ASB7: variants seen among roughly 807,000 people sequenced by gnomAD.
The protein encoded by ASB7 is ankyrin repeat and SOCS box protein 7.
A neutral mutation model predicts 32.5 loss-of-function variants in ASB7; 4 were observed. The observed-to-expected ratio is 0.12, with a 90% CI of 0.06 to 0.28. The LOEUF is 0.28. Among genes scored for constraint, ASB7 ranks in the 10% least tolerant of loss-of-function variants. The pLI is 1.00. For missense variants in ASB7, 181 were observed against 407.1 expected (o/e 0.44, Z 4.78); for synonymous variants, 172 against 155.6 (o/e 1.11, Z -0.78).
chr15:100,626,751 A>G (rs977481648), intron 4 of ASB7, among the ~76,000 whole-genome samples: 1 of 152,198 alleles, frequency 6.6e-6, no homozygotes, highest in Non-Finnish European at 1.5e-5. Flanking sequence ...TAAAAAAACT[A>G]TATAGTATAC....
intron 4 of ASB7, among the ~76,000 whole-genome samples, chr15:100,616,087 A>G (rs1268903236): frequency 2.0e-5 from 3 of 152,200 alleles, no homozygotes; most frequent in South Asian, 2.1e-4. Flanking sequence ...ACCGGGCAGG[A>G]TAGTGCCTGT....
chr15:100,632,822 A>C (rs1262487471), intron 5 of ASB7, among the ~76,000 whole-genome samples: 8 of 151,370 alleles, frequency 5.3e-5, no homozygotes, highest in African/African-American at 1.9e-4. Flanking sequence ...GGCCTTTTGG[A>C]AAAATTGCCG....
chr15:100,610,260 C>T (rs374704571), intron 3 of ASB7, among the ~76,000 whole-genome samples: 3 of 151,718 alleles, frequency 2.0e-5, no homozygotes, highest in African/African-American at 4.8e-5. Flanking sequence ...TTTGGGAGGC[C>T]GAGGCTGGTG....
At chr15:100,618,126 A>G (rs1463709793) in intron 4 of ASB7, among the ~76,000 whole-genome samples, 1 of 151,712 alleles carries the variant, frequency 6.6e-6, no homozygotes, top group Non-Finnish European at 1.5e-5. Flanking sequence ...TTATTTATTT[A>G]TTTATTTTGA....
At chr15:100,630,221 C>T in intron 5 of ASB7, 179 bp downstream of exon 5, 2 of 1,304,370 alleles carry the variant, frequency 1.5e-6, no homozygotes, top group Non-Finnish European at 9.9e-7. Flanking sequence ...CACAAGATTT[C>T]ATAAAAATTC....
chr15:100,617,437 C>T (rs964545282), intron 4 of ASB7, among the ~76,000 whole-genome samples: 20 of 152,156 alleles, frequency 1.3e-4, no homozygotes, highest in Non-Finnish European at 2.4e-4. Flanking sequence ...AGGTTTTGGC[C>T]TGGGACCCTC....
In ASB7 at chr15:100,609,785, A is replaced by G. The variant is rs1168532445; in HGVS notation, c.-95A>G. The G allele has an allele frequency of 6.6e-6, 1 of 152,230 alleles. No homozygotes were observed. Among genetic ancestry groups the G allele is most frequent in the Non-Finnish European group, 1.5e-5 (1 of 68,032 alleles). The allele number at this position is 152,230 out of a possible 1,614,324, so 9.4% of individuals were successfully genotyped here. A position where few individuals can be genotyped will look rare whatever the true frequency, so the allele number is the denominator to read the frequency against. On this transcript the variant is annotated 5_prime_UTR_variant, in exon 3 of 6. Transcript: ENST00000332783. ...ACGATGCTGTACGTGCACAATGGTT[A>G]CTAGGCAATCCGTACATCAGGAGAA...
chr15:100,629,178 T>G lies in ASB7; in HGVS notation c.212-259T>G, dbSNP rs1205836560. ...AGACAGGGGATGTGGTGATCTGTAC[T>G]CCGTGTTTTTTGTGTATATCTTTTT... On this transcript the variant is annotated intron_variant, in intron 4 of 5. Transcript: ENST00000332783. This position sits in a 1 kb window ranked among gnomAD's most constrained non-coding sequence, Gnocchi z 6.8. Among the ~76,000 whole-genome samples, 3 of 152,242 alleles carry G rather than the reference T, an allele frequency of 2.0e-5. No homozygotes were observed. The highest frequency in any genetic ancestry group is 2.9e-5 in the Non-Finnish European group (2 of 68,040).
intron 5 of ASB7, among the ~76,000 whole-genome samples, chr15:100,633,615 GGGAAAGAAAGGAAGAAA>G (rs1282787530): frequency 1.3e-5 from 2 of 149,610 alleles, no homozygotes; most frequent in Admixed American, 6.7e-5. Context: ...AAAGGGGAAA[GGGAAAGAAAGGAAGAAA>G]GGAAGGAAAG....
chr15:100,620,754 CT>C (rs1326411835), intron 4 of ASB7, among the ~76,000 whole-genome samples: 2 of 152,164 alleles, frequency 1.3e-5, no homozygotes, highest in Non-Finnish European at 2.9e-5. Flanking sequence ...AATTTTGAGT[CT>C]TCTAAAAACT....
chr15:100,618,622 G>GTGGT (rs113400819), intron 4 of ASB7, among the ~76,000 whole-genome samples: 1 of 150,184 alleles, frequency 6.7e-6, no homozygotes, highest in Non-Finnish European at 1.5e-5. Flanking sequence ...CTGTGTGTGT[G>GTGGT]GTGTGTGTGT....
At position 100,650,875 on chromosome 15, in the gene ASB7, T is replaced by C. The variant is rs780297566; in HGVS notation, c.*2413T>C. 4.6e-5 allele frequency: 7 copies of C among 152,252 alleles called. No individual in the cohort carries two copies. The highest frequency in any genetic ancestry group is 7.3e-5 in the Non-Finnish European group (5 of 68,034). The allele number at this position is 152,252 out of a possible 1,614,324, so 9.4% of individuals were successfully genotyped here. ...ACTAAAATGTCTCCAGGTGGGTTAC[T>C]GGTAGATGATAGTGGTGACACCTGC... On this transcript the variant is annotated 3_prime_UTR_variant, in exon 6 of 6. Coordinates refer to ENST00000332783, the MANE Select transcript of ASB7 (RefSeq NM_198243.3).
intron 5 of ASB7, among the ~76,000 whole-genome samples, chr15:100,643,352 C>T (rs1189260087): frequency 6.6e-6 from 1 of 151,974 alleles, no homozygotes; most frequent in Non-Finnish European, 1.5e-5. Context: ...AGTATCCAGC[C>T]TCACTGTGGA....
rs139788827 is a variant in ASB7, at chr15:100,627,779, G to A, written c.212-1658G>A. ...TTTCACTTGCAGATTAAGAGGGAAT[G>A]TCTGCCAGCAGTTGACTGGCCAGGT... On this transcript the variant is annotated intron_variant, in intron 4 of 5. Coordinates refer to ENST00000332783, the MANE Select transcript of ASB7 (RefSeq NM_198243.3). Among the ~76,000 whole-genome samples, 8 of 152,346 alleles carry A rather than the reference G, an allele frequency of 5.3e-5. No homozygotes were observed. In the East Asian group the frequency reaches 1.5e-3, roughly 29 times the overall value.
chr15:100,629,584 C>T lies in ASB7; in HGVS notation c.359C>T (p.Pro120Leu). The T allele has an allele frequency of 6.2e-7, 1 of 1,614,212 alleles. No individual in the cohort carries two copies. Among genetic ancestry groups the T allele is most frequent in the Non-Finnish European group, 8.5e-7 (1 of 1,180,036 alleles). Residue 120 changes from proline (P) to leucine (L), a missense_variant, in exon 5 of 6, where the codon CCC becomes CTC. Coordinates refer to ENST00000332783, the MANE Select transcript of ASB7 (RefSeq NM_198243.3). This position sits in a 1 kb window ranked among gnomAD's most constrained non-coding sequence, Gnocchi z 6.8. ...GCAAAAAGCAATGACGGCTGGACTC[C>T]CCTCCATGTGGCTGCCCACTACGGC... ...INAKSNDGWT[P>L]LHVAAHYGRD...
intron 5 of ASB7, among the ~76,000 whole-genome samples, chr15:100,647,847 C>T (rs1446084821): frequency 6.6e-6 from 1 of 152,114 alleles, no homozygotes; most frequent in Non-Finnish European, 1.5e-5. Context: ...GAAAGGGAGG[C>T]TCACAATAGG....
At position 100,650,301 on chromosome 15, in the gene ASB7, C is replaced by T. The variant is rs183412028; in HGVS notation, c.*1839C>T. The T allele has an allele frequency of 2.6e-5, 4 of 152,366 alleles. No individual in the cohort carries two copies. In the East Asian group the frequency reaches 7.7e-4, roughly 29 times the overall value. The allele number at this position is 152,366 out of a possible 1,614,324, so 9.4% of individuals were successfully genotyped here. A position where few individuals can be genotyped will look rare whatever the true frequency, so the allele number is the denominator to read the frequency against. ...AAAAAGTTATCTCCAGAGAGAGTCC[C>T]TTATGAAGACAGTTGCCAAGCTGTA... is the stretch of plus-strand genomic sequence containing the variant. On this transcript the variant is annotated 3_prime_UTR_variant, in exon 6 of 6. Transcript: ENST00000332783.
intron 5 of ASB7, among the ~76,000 whole-genome samples, chr15:100,632,011 A>G (rs894834004): frequency 6.6e-6 from 1 of 152,228 alleles, no homozygotes; most frequent in African/African-American, 2.4e-5. Flanking sequence ...CACGTGGCCG[A>G]GAGGAGCCGC....
chr15:100,639,071 G>A (rs2039944016), intron 5 of ASB7, among the ~76,000 whole-genome samples: 2 of 152,180 alleles, frequency 1.3e-5, no homozygotes, highest in South Asian at 2.1e-4. Context: ...TTCAAAGACT[G>A]GAAGCAACCA....
Sources: gnomAD v4.1 joint callset for allele counts (sites outside exome capture counted in the v4.1 genomes callset) on GRCh38, gnomAD v4.1.1 for gene constraint, Gnocchi (gnomAD v3.1) non-coding constraint, MANE v1.5 for transcripts, NCBI Gene and HGNC (gene_info 2026-07-23, HGNC 2026-07-21) for gene names.